The following NUDT1 variants were observed in gnomAD, a reference collection of about 807,000 sequenced individuals.
The protein encoded by NUDT1 is nudix hydrolase 1.
A neutral mutation model predicts 11.3 loss-of-function variants in NUDT1; 16 were observed. The ratio of observed to expected loss-of-function variants is 1.41; its 90% CI spans 0.96 to 2.15. The LOEUF is 2.15. Among genes scored for constraint, NUDT1 ranks in the 30% most tolerant of loss-of-function variants. The pLI, the probability that NUDT1 is intolerant of heterozygous loss-of-function variation, is 0.00. For missense variants in NUDT1, 234 were observed against 208.4 expected, an observed-to-expected ratio of 1.12 and a Z score of -0.76; for synonymous variants, 101 against 84.4, an observed-to-expected ratio of 1.20 and a Z score of -1.08.
At chr7:2,248,547 C>CTT (rs11393832) in intron 2 of NUDT1, among the ~76,000 whole-genome samples, 6,238 of 122,408 alleles carry the variant, frequency 0.051, 634 homozygotes, top group African/African-American at 0.19. Flanking sequence ...ATGATGTTTG[C>CTT]TTTTTTTTTT....
Position 2,242,979 on chromosome 7 carries a change from A to G in NUDT1, c.-13+723A>G, listed in dbSNP as rs1292175251. 5 of 716,452 alleles carry G rather than the reference A, an allele frequency of 7.0e-6. No individual in the cohort carries two copies. In the South Asian group the frequency reaches 7.4e-5, roughly 11 times the overall value. 44.4% of individuals were successfully genotyped at this position (716,452 alleles called of 1,614,324 possible). ...AGATCACACGGCGGCTTGGAGAGTG[A>G]GTGCAAGGTTTTATGAGTGGAATTA... is the stretch of plus-strand genomic sequence containing the variant. On this transcript the variant is annotated intron_variant, in intron 1 of 3. Coordinates refer to ENST00000356714, the MANE Select transcript of NUDT1 (RefSeq NM_002452.4).
rs775443866 is a variant in NUDT1 at position 2,249,855 on chromosome 7, A to G, written c.153-2A>G. On this transcript the variant is annotated splice_acceptor_variant, in intron 2 of 3. Coordinates refer to ENST00000356714, the MANE Select transcript of NUDT1 (RefSeq NM_002452.4). LOFTEE classifies it high-confidence loss of function. Reference sequence around the variant, plus strand: ...CCCTCCCCTGCCCACCTCTGCCCGCAGGGAGCTGCAGGAGGAGAGCGGTCT... The same window carrying G: ...CCCTCCCCTGCCCACCTCTGCCCGCGGGGAGCTGCAGGAGGAGAGCGGTCT... The G allele has an allele frequency of 6.2e-7, 1 of 1,613,176 alleles. No homozygotes were observed. The highest frequency in any genetic ancestry group is 2.2e-5 in the East Asian group (1 of 44,886).
intron 2 of NUDT1, among the ~76,000 whole-genome samples, chr7:2,245,019 G>A (rs935246207): frequency 3.9e-5 from 6 of 152,160 alleles, no homozygotes; most frequent in East Asian, 1.9e-4. Flanking sequence ...GCTGCAGGGC[G>A]TATCTGGAAG....
chr7:2,250,039 G>A (rs1281434499), intron 3 of NUDT1, 37 bp downstream of exon 3: 4 of 1,608,674 alleles, frequency 2.5e-6, no homozygotes, highest in Non-Finnish European at 3.4e-6. Flanking sequence ...TCCCCACTAT[G>A]CGGGTCCCAT....
intron 2 of NUDT1, among the ~76,000 whole-genome samples, chr7:2,247,752 C>T (rs1794827396): frequency 6.6e-6 from 1 of 152,232 alleles, no homozygotes; most frequent in Non-Finnish European, 1.5e-5. Context: ...AGCTCTGTCT[C>T]CCGGCGGATT....
intron 2 of NUDT1, among the ~76,000 whole-genome samples, chr7:2,246,196 G>C (rs1365200282): frequency 1.3e-5 from 2 of 152,218 alleles, no homozygotes; most frequent in South Asian, 4.1e-4. Flanking sequence ...GATTTCTGTA[G>C]CGCTGCTCTG....
intron 2 of NUDT1, 84 bp from the exon 3 acceptor site, chr7:2,249,773 A>G: frequency 6.4e-7 from 1 of 1,566,610 alleles, no homozygotes; most frequent in Non-Finnish European, 8.7e-7. Context: ...CTGTGTGTAG[A>G]TGCCCAGCTC....
intron 2 of NUDT1, chr7:2,249,439 T>C: frequency 3.8e-6 from 1 of 265,504 alleles, no homozygotes; most frequent in Admixed American, 5.0e-5. Flanking sequence ...GCTCTGATGC[T>C]CAGCCGCGGA....
rs535826571 is a variant in NUDT1 at position 2,244,452 on chromosome 7, A to AC, written c.-12-104dup. 454 of 553,178 alleles carry AC rather than the reference A, an allele frequency of 8.2e-4. 6 individuals are homozygous for AC. The highest frequency in any genetic ancestry group is 7.5e-3 in the South Asian group (377 of 50,128). 34.3% of individuals were successfully genotyped at this position (553,178 alleles called of 1,614,324 possible). ...TGGCAGGGCTGGGGAGTTACAGCAT[A>AC]CCCCCCCGCCCCCCACTGCCTCCCA... On this transcript the variant is annotated intron_variant, in intron 1 of 3. Coordinates refer to ENST00000356714, the MANE Select transcript of NUDT1 (RefSeq NM_002452.4).
chr7:2,245,597 A>G (rs931803834), intron 2 of NUDT1, among the ~76,000 whole-genome samples: 6 of 152,062 alleles, frequency 3.9e-5, no homozygotes, highest in African/African-American at 1.4e-4. Flanking sequence ...TTTTTTCTCC[A>G]GAGGTGGGAT....
In NUDT1 at chr7:2,244,752, A is replaced by G. The variant is rs200084306; in HGVS notation, c.152+26A>G. ...GTAAGGATGGGGCAGGTCTGGCCAT[A>G]GAACCGGCTTTCCCAGGGCACAGGG... On this transcript the variant is annotated intron_variant, in intron 2 of 3. Coordinates refer to ENST00000356714, the MANE Select transcript of NUDT1 (RefSeq NM_002452.4). The G allele has an allele frequency of 3.1e-6, 5 of 1,594,432 alleles. No individual in the cohort carries two copies. In the African/African-American group the frequency reaches 6.7e-5, roughly 21 times the overall value.
At chr7:2,244,747 G>C (rs1201574717) in intron 2 of NUDT1, 21 bp downstream of exon 2, 1 of 1,597,886 alleles carries the variant, frequency 6.3e-7, no homozygotes, top group Non-Finnish European at 8.5e-7. Context: ...GGCAGGTCTG[G>C]CCATAGAACC....
chr7:2,247,175 C>G (rs4719470), intron 2 of NUDT1, among the ~76,000 whole-genome samples: 137,414 of 152,284 alleles, frequency 0.9, 62,207 homozygotes, highest in Non-Finnish European at 0.94. Flanking sequence ...TGCTCAGGAG[C>G]GGGAGGCAGG....
In NUDT1 at chr7:2,244,686, A is replaced by G; in HGVS notation, c.112A>G (p.Lys38Glu). 6.2e-7 allele frequency: 1 copy of G among 1,613,236 alleles called. No homozygotes were observed. The change falls in exon 2 of 4, where the codon AAA becomes GAA. Residue 38 changes from lysine (K) to glutamate (E), a missense_variant. By Grantham distance (56) the Lys-to-Glu change is moderately conservative. Transcript: ENST00000356714. ...CGGCCGGTGGAATGGCTTTGGGGGC[A>G]AAGTGCAAGAAGGAGAGACCATCGA... is the stretch of plus-strand genomic sequence containing the variant. ...GAGRWNGFGG[K>E]VQEGETIEDG... is the part of the protein sequence containing the mutation.
chr7:2,250,136 C>G, intron 3 of NUDT1, 134 bp downstream of exon 3: 1 of 1,158,010 alleles, frequency 8.6e-7, no homozygotes, highest in Non-Finnish European at 1.2e-6. Context: ...CCCCACAGTG[C>G]CAGCGTGGGG....
chr7:2,250,745 A>G (rs943415441), intron 3 of NUDT1, 84 bp from the exon 4 acceptor site: 32 of 1,489,850 alleles, frequency 2.1e-5, no homozygotes, highest in Non-Finnish European at 2.8e-5. Flanking sequence ...GGCGTGAGCC[A>G]CCGCGCCCGG....
rs1376237805 is a variant in NUDT1 at position 2,243,682 on chromosome 7, A to G, written c.-12-881A>G. On this transcript the variant is annotated intron_variant, in intron 1 of 3. Coordinates refer to ENST00000356714, the MANE Select transcript of NUDT1 (RefSeq NM_002452.4). ...CAGCTATGTGGGATGCTGAGGCAGGAGGATGGCTTCAGCCAGGGAGGCGGA... is the reference window on the plus strand; with the variant it reads ...CAGCTATGTGGGATGCTGAGGCAGGGGGATGGCTTCAGCCAGGGAGGCGGA... 2.0e-5 allele frequency among the ~76,000 whole-genome samples: 3 copies of G among 152,346 alleles called. No individual in the cohort carries two copies. The East Asian group carries it at 5.8e-4, about 29-fold the overall frequency.
intron 1 of NUDT1, chr7:2,242,823 T>TTAGA: frequency 1.5e-6 from 1 of 652,700 alleles, no homozygotes; most frequent in Non-Finnish European, 2.8e-6. Context: ...CAGGCATGTG[T>TTAGA]TAGAGGGTGC....
chr7:2,245,118 G>C (rs1271152074), intron 2 of NUDT1, among the ~76,000 whole-genome samples: 1 of 152,128 alleles, frequency 6.6e-6, no homozygotes, highest in African/African-American at 2.4e-5. Flanking sequence ...TGTCTGTTCA[G>C]TGGAGCTGAT....
Sources: gnomAD v4.1 joint callset for allele counts (sites outside exome capture counted in the v4.1 genomes callset) on GRCh38, gnomAD v4.1.1 for gene constraint, MANE v1.5 for transcripts, NCBI Gene and HGNC (gene_info 2026-07-23, HGNC 2026-07-21) for gene names.